The following SYNCRIP variants were observed in gnomAD, a reference collection of about 807,000 sequenced individuals.
The protein encoded by SYNCRIP is heterogeneous nuclear ribonucleoprotein Q.
A neutral mutation model predicts 68.9 loss-of-function variants in SYNCRIP; 9 were observed. The observed-to-expected ratio is 0.13, with a 90% confidence interval of 0.08 to 0.23. The LOEUF is 0.23. Ranked by LOEUF, SYNCRIP falls within the 10% of genes least tolerant of loss-of-function variation. The pLI, the probability that SYNCRIP is intolerant of heterozygous loss-of-function variation, is 1.00. For missense variants in SYNCRIP, 414 were observed against 770.6 expected, an observed-to-expected ratio of 0.54 and a Z score of 5.48; for synonymous variants, 258 against 254.0, an observed-to-expected ratio of 1.02 and a Z score of -0.15.
At chr6:85,624,715 A>T (rs1323398079) in intron 6 of SYNCRIP, among the ~76,000 whole-genome samples, 1 of 152,250 alleles carries the variant, frequency 6.6e-6, no homozygotes, top group East Asian at 1.9e-4. Flanking sequence ...TAAAAAGTAA[A>T]TTGAATTTTC....
chr6:85,623,066 T>C (rs1254615531), intron 7 of SYNCRIP, among the ~76,000 whole-genome samples: 3 of 152,204 alleles, frequency 2.0e-5, no homozygotes, highest in Non-Finnish European at 4.4e-5. Flanking sequence ...ATGGCACTTT[T>C]CTGGCCTTAG....
upstream of SYNCRIP, chr6:85,643,760 G>GC (rs1809483303): frequency 6.6e-6 from 1 of 152,098 alleles, no homozygotes; most frequent in South Asian, 2.1e-4. Flanking sequence ...CGGTCTGTGC[G>GC]CGCCCGGCCC....
Position 85,615,363 on chromosome 6 carries a change from C to T in SYNCRIP, c.1281-16G>A. The T allele has an allele frequency of 6.9e-7, 1 of 1,442,192 alleles. No homozygotes were observed. The highest frequency in any genetic ancestry group is 9.2e-7 in the Non-Finnish European group (1 of 1,085,256). 89.3% of individuals were successfully genotyped at this position (1,442,192 alleles called of 1,614,324 possible). The stretch of plus-strand genomic sequence containing the variant: ...ATCGTCATACCTATTAAAAAAGAGA[C>T]AGAGATTAGAGTTTAAATCAAATTA... On this transcript the variant is annotated splice_polypyrimidine_tract_variant and intron_variant, in intron 10 of 10. Coordinates refer to ENST00000369622, the MANE Select transcript of SYNCRIP (RefSeq NM_006372.5).
rs550492302 is a variant in SYNCRIP, at chr6:85,619,073, T to C, written c.1159-134A>G. On this transcript the variant is annotated intron_variant, in intron 9 of 10. Transcript: ENST00000369622. ...CCATGCAGGCAGTCAAATAATTTTA[T>C]TTAAAGATGCAGATATTCAATTATT... 124 of 1,178,346 alleles carry C rather than the reference T, an allele frequency of 1.1e-4. No homozygotes were observed. The East Asian group carries it at 2.9e-3, about 28-fold the overall frequency. 73.0% of individuals were successfully genotyped at this position (1,178,346 alleles called of 1,614,324 possible).
chr6:85,630,455 A>G (rs1240661144), intron 6 of SYNCRIP, among the ~76,000 whole-genome samples: 2 of 152,214 alleles, frequency 1.3e-5, no homozygotes, highest in Non-Finnish European at 2.9e-5. Flanking sequence ...TTTCATCAGG[A>G]TATTTCCGTT....
In SYNCRIP at chr6:85,619,400, T is replaced by G. The variant is rs562935786; in HGVS notation, c.1026A>C (p.Val342=). 9.3e-6 allele frequency: 15 copies of G among 1,613,220 alleles called. No individual in the cohort carries two copies. In the South Asian group the frequency reaches 1.3e-4, roughly 14 times the overall value. Residue 342 remains valine (V), a synonymous_variant, in exon 9 of 11, where the codon GTA becomes GTC. Coordinates refer to ENST00000369622, the MANE Select transcript of SYNCRIP (RefSeq NM_006372.5). ...CTGTTACAGTATTGGCAAGGTTGCG[T>G]ACAAACAGCACTTTTACCTAGGGGG... ...EVMAKVKVLF[V]RNLANTVTEE...
chr6:85,624,197 A>G, intron 6 of SYNCRIP, 85 bp from the exon 7 acceptor site: 2 of 1,360,366 alleles, frequency 1.5e-6, no homozygotes, highest in Non-Finnish European at 1.0e-6. Context: ...AGAGCAAATC[A>G]TCCTTTAAAA....
At chr6:85,641,853 G>A (rs909123602) in intron 1 of SYNCRIP, among the ~76,000 whole-genome samples, 1 of 152,086 alleles carries the variant, frequency 6.6e-6, no homozygotes, top group Non-Finnish European at 1.5e-5. Context: ...CCCGCCTGCC[G>A]CTTATAGATC....
rs1199997317 is a variant in SYNCRIP, at chr6:85,620,914, AAG to A, written c.1009-1499_1009-1498del. On this transcript the variant is annotated intron_variant, in intron 8 of 10. Transcript: ENST00000369622. ...TAACAAAGTAAATACCATGCCCTCT[AAG>A]AGAGTTATTGAATGTTTAACACTTA... Among the ~76,000 whole-genome samples, 8 of 152,354 alleles carry A rather than the reference AAG, an allele frequency of 5.3e-5. No individual in the cohort carries two copies. In the South Asian group the frequency reaches 1.2e-3, roughly 24 times the overall value.
downstream of SYNCRIP, chr6:85,611,526 G>C (rs750497190): frequency 6.6e-6 from 1 of 152,474 alleles, no homozygotes; most frequent in African/African-American, 2.4e-5. Flanking sequence ...TTTGGGGAAG[G>C]GGGGAGGGGA....
chr6:85,619,453 A>C, intron 8 of SYNCRIP, 36 bp from the exon 9 acceptor site: 1 of 1,585,066 alleles, frequency 6.3e-7, no homozygotes, highest in South Asian at 1.2e-5. Flanking sequence ...TATTATTTCC[A>C]AAGAGTTCCA....
chr6:85,614,862 G>A lies in SYNCRIP; in HGVS notation c.1766C>T (p.Pro589Leu). Reference sequence around the variant, plus strand: ...ACCTTGGAGCGGTTGCTGAGCAATGGGTTGGGAGCCCCAGTTCTGATTATT... The same window carrying A: ...ACCTTGGAGCGGTTGCTGAGCAATGAGTTGGGAGCCCCAGTTCTGATTATT... ...QTNNQNWGSQ[P>L]IAQQPLQGGD... The change falls in exon 11 of 11, where the codon CCC becomes CTC. Residue 589 changes from proline to leucine, a missense_variant. This residue lies in a region of SYNCRIP where 130 missense variants were observed against 149.0 expected (regional missense o/e 0.87). Transcript: ENST00000369622. The A allele has an allele frequency of 6.2e-7, 1 of 1,614,138 alleles. No individual in the cohort carries two copies. Among genetic ancestry groups the A allele is most frequent in the Non-Finnish European group, 8.5e-7 (1 of 1,180,038 alleles).
chr6:85,641,221 C>T (rs1304386583), intron 2 of SYNCRIP, 71 bp downstream of exon 2: 2 of 1,336,320 alleles, frequency 1.5e-6, no homozygotes, highest in Non-Finnish European at 2.1e-6. Flanking sequence ...CAAAAAGTTG[C>T]TATTTTAGCT....
chr6:85,620,926 G>A (rs752799121), intron 8 of SYNCRIP, among the ~76,000 whole-genome samples: 2 of 152,160 alleles, frequency 1.3e-5, no homozygotes, highest in African/African-American at 4.8e-5. Context: ...GAGAGTTATT[G>A]AATGTTTAAC....
chr6:85,625,483 G>C (rs1806932517), intron 6 of SYNCRIP, among the ~76,000 whole-genome samples: 1 of 151,888 alleles, frequency 6.6e-6, no homozygotes. Flanking sequence ...CGCCTCCTGG[G>C]TTCAAGCAAT....
At chr6:85,639,651 C>T (rs1808895539) in intron 4 of SYNCRIP, among the ~76,000 whole-genome samples, 1 of 152,046 alleles carries the variant, frequency 6.6e-6, no homozygotes, top group Non-Finnish European at 1.5e-5. Flanking sequence ...GAAAACTCAC[C>T]AATATAAATA....
At chr6:85,635,758 G>C (rs1394277844) in intron 6 of SYNCRIP, among the ~76,000 whole-genome samples, 1 of 119,814 alleles carries the variant, frequency 8.3e-6, no homozygotes, top group Non-Finnish European at 1.6e-5. Context: ...AGGTGACAGA[G>C]TGAGATTCTA....
chr6:85,625,112 G>A (rs1806889302), intron 6 of SYNCRIP, among the ~76,000 whole-genome samples: 1 of 152,078 alleles, frequency 6.6e-6, no homozygotes, highest in Non-Finnish European at 1.5e-5. Context: ...TCAGAAAGTT[G>A]AGTCCTCCCT....
Position 85,637,339 on chromosome 6 carries a change from T to G in SYNCRIP, c.393A>C (p.Thr131=). Residue 131 remains threonine (T), a synonymous_variant, in exon 5 of 11, where the codon ACA becomes ACC. Transcript: ENST00000369622. ...EAKIKALLER[T]GYTLDVTTGQ... ...CAGTGGTCACATCAAGTGTGTAGCC[T>G]GTTCTTTCCAAGAGTGCCTTGAAAA... is the stretch of plus-strand genomic sequence containing the variant. The G allele has an allele frequency of 1.2e-6, 2 of 1,611,814 alleles. No individual in the cohort carries two copies. The highest frequency in any genetic ancestry group is 1.7e-6 in the Non-Finnish European group (2 of 1,179,386).
Sources: allele counts gnomAD v4.1 joint callset (sites outside exome capture counted in the v4.1 genomes callset), GRCh38; gene constraint gnomAD v4.1.1; regional missense constraint gnomAD v4.1.1; transcripts MANE v1.5; gene names NCBI Gene and HGNC (gene_info 2026-07-23, HGNC 2026-07-21).